Variants in MCC observed in about 807,000 individuals in gnomAD.
MCC encodes MCC regulator of Wnt signaling pathway, also known as colorectal mutant cancer protein.
Under a neutral mutation model 116.2 loss-of-function variants are expected in MCC, and 90 were observed. The observed-to-expected ratio is 0.77, with a 90% CI of 0.65 to 0.92. The LOEUF (loss-of-function observed/expected upper bound fraction) is 0.92. Ranked by LOEUF, MCC falls within the 40% of genes least tolerant of loss-of-function variation. The pLI, the probability that MCC is intolerant of heterozygous loss-of-function variation, is 0.00. For missense variants in MCC, 1,516 were observed against 1,312.2 expected, an observed-to-expected ratio of 1.16 and a Z score of -2.40; for synonymous variants, 578 against 510.5, an observed-to-expected ratio of 1.13 and a Z score of -1.78.
At chr5:113,486,502 C>T (rs916832374) in intron 1 of MCC, among the ~76,000 whole-genome samples, 1 of 152,176 alleles carries the variant, frequency 6.6e-6, no homozygotes, top group African/African-American at 2.4e-5. Context: ...AAAAGGATAG[C>T]ACGCTGCTAG....
intron 3 of MCC, among the ~76,000 whole-genome samples, chr5:113,327,578 A>ATATG (rs1455561366): frequency 1.5e-5 from 2 of 136,064 alleles, no homozygotes; most frequent in Non-Finnish European, 3.1e-5. Context: ...ATATATATAT[A>ATATG]TATATATAAA....
At chr5:113,149,887 G>A (rs1174763735) in intron 4 of MCC, among the ~76,000 whole-genome samples, 2 of 152,152 alleles carry the variant, frequency 1.3e-5, no homozygotes, top group Admixed American at 1.3e-4. Flanking sequence ...TGATGTATCT[G>A]AGAACTGGAA....
chr5:113,373,220 G>A (rs1768885004), intron 2 of MCC, among the ~76,000 whole-genome samples: 1 of 151,886 alleles, frequency 6.6e-6, no homozygotes. Flanking sequence ...GTTTCTAAGA[G>A]TGCAACTTGG....
chr5:113,029,599 A>G (rs1750819205), intron 17 of MCC, among the ~76,000 whole-genome samples: 1 of 152,158 alleles, frequency 6.6e-6, no homozygotes, highest in South Asian at 2.1e-4. Context: ...CCATGAAATT[A>G]CATTTGCACT....
At chr5:113,231,393 T>G (rs1763936611) in intron 3 of MCC, among the ~76,000 whole-genome samples, 1 of 152,202 alleles carries the variant, frequency 6.6e-6, no homozygotes, top group South Asian at 2.1e-4. Flanking sequence ...ACACAAATCC[T>G]TACAAAGTGG....
At position 113,104,068 on chromosome 5, in the gene MCC, G is replaced by C. The variant is rs1420310132; in HGVS notation, c.1191+124C>G. On this transcript the variant is annotated intron_variant, in intron 7 of 18. Coordinates refer to ENST00000408903, the MANE Select transcript of MCC (RefSeq NM_001085377.2). Reference sequence around the variant, plus strand: ...CTTCTACACCGTGGCTCAATCTATTGTATGGCTCTCATGGAAACATTCATC... The same window carrying C: ...CTTCTACACCGTGGCTCAATCTATTCTATGGCTCTCATGGAAACATTCATC... 40 of 1,029,918 alleles carry C rather than the reference G, an allele frequency of 3.9e-5. No homozygotes were observed. The South Asian group carries it at 7.2e-4, about 19-fold the overall frequency. 63.8% of individuals were successfully genotyped at this position (1,029,918 alleles called of 1,614,324 possible).
At chr5:113,231,096 T>C (rs1763924689) in intron 3 of MCC, among the ~76,000 whole-genome samples, 1 of 152,118 alleles carries the variant, frequency 6.6e-6, no homozygotes, top group African/African-American at 2.4e-5. Context: ...AAACGTTTCC[T>C]AAGGGGGAAA....
intron 6 of MCC, among the ~76,000 whole-genome samples, chr5:113,118,442 T>C (rs1489279543): frequency 6.6e-6 from 1 of 152,198 alleles, no homozygotes; most frequent in Non-Finnish European, 1.5e-5. Context: ...ACTTTTTAAT[T>C]GGATCGTTTA....
intron 3 of MCC, among the ~76,000 whole-genome samples, chr5:113,171,339 A>T (rs781703384): frequency 2.0e-5 from 3 of 151,096 alleles, no homozygotes; most frequent in Non-Finnish European, 4.4e-5. Context: ...CACAGAGACA[A>T]GCAGAAGGCG....
intron 2 of MCC, among the ~76,000 whole-genome samples, chr5:113,382,359 C>T (rs1001423072): frequency 5.3e-5 from 8 of 150,438 alleles, no homozygotes; most frequent in South Asian, 4.2e-4. Flanking sequence ...CAACCTCTAA[C>T]TCTTGGGCTC....
intron 3 of MCC, among the ~76,000 whole-genome samples, chr5:113,227,405 C>G (rs866234144): frequency 6.6e-6 from 1 of 152,198 alleles, no homozygotes; most frequent in African/African-American, 2.4e-5. Context: ...AACTCAAACA[C>G]CCATTTTCCA....
At chr5:113,387,158 C>T (rs13188946) in intron 1 of MCC, among the ~76,000 whole-genome samples, 66,813 of 151,786 alleles carry the variant, frequency 0.44, 16,171 homozygotes, top group African/African-American at 0.64. Flanking sequence ...GGTCTCAAAA[C>T]AAGCCACCCC....
At chr5:113,302,417 AC>A (rs1766885483) in intron 3 of MCC, among the ~76,000 whole-genome samples, 1 of 152,228 alleles carries the variant, frequency 6.6e-6, no homozygotes, top group Non-Finnish European at 1.5e-5. Context: ...CAATATGTGG[AC>A]TTTGTTGAGA....
At chr5:113,098,822 G>T (rs3890740) in intron 8 of MCC, among the ~76,000 whole-genome samples, 22,218 of 152,112 alleles carry the variant, frequency 0.15, 1,863 homozygotes, top group South Asian at 0.22. Flanking sequence ...AAAGAAAGTG[G>T]CCCCAATTGC....
chr5:113,432,320 C>CAAAAAAA (rs66577040), intron 1 of MCC, among the ~76,000 whole-genome samples: 12 of 68,586 alleles, frequency 1.7e-4, no homozygotes, highest in South Asian at 7.1e-4. Context: ...GACTCTGTCT[C>CAAAAAAA]AAAAAAAAAA....
chr5:113,356,830 C>G (rs1768426606), intron 2 of MCC, among the ~76,000 whole-genome samples: 1 of 152,194 alleles, frequency 6.6e-6, no homozygotes, highest in Non-Finnish European at 1.5e-5. Flanking sequence ...ATTCTGACAG[C>G]TAACAGCTAT....
chr5:113,027,161 G>T lies in MCC; in HGVS notation c.*141C>A. 2 of 786,794 alleles carry T rather than the reference G, an allele frequency of 2.5e-6. No individual in the cohort carries two copies. The highest frequency in any genetic ancestry group is 4.0e-6 in the Non-Finnish European group (2 of 501,588). 48.7% of individuals were successfully genotyped at this position (786,794 alleles called of 1,614,324 possible). On this transcript the variant is annotated 3_prime_UTR_variant, in exon 19 of 19. Transcript: ENST00000408903. Reference sequence around the variant, plus strand: ...GCCAGTCGCCCCAAGGGTTGAGTTGGGGCACTCCATTGTCCAAGTGCCGAC... The same window carrying T: ...GCCAGTCGCCCCAAGGGTTGAGTTGTGGCACTCCATTGTCCAAGTGCCGAC...
In MCC at chr5:113,132,443, T is replaced by TACAC. The variant is rs140363649; in HGVS notation, c.885-9621_885-9618dup. On this transcript the variant is annotated intron_variant, in intron 5 of 18. Transcript: ENST00000408903. The stretch of plus-strand genomic sequence containing the variant: ...ACACACATACATATATATATATATA[T>TACAC]ACACACACACACACACACACACACA... 2.1e-3 allele frequency among the ~76,000 whole-genome samples: 77 copies of TACAC among 36,612 alleles called. 3 individuals are homozygous for TACAC. Among genetic ancestry groups the TACAC allele is most frequent in the African/African-American group, 3.4e-3 (71 of 21,104 alleles). 24.0% of individuals were successfully genotyped at this position (36,612 alleles called of 152,430 possible).
chr5:113,098,696 G>A (rs1282480907), intron 8 of MCC, among the ~76,000 whole-genome samples: 1 of 152,140 alleles, frequency 6.6e-6, no homozygotes, highest in Non-Finnish European at 1.5e-5. Flanking sequence ...CTTGAACAAA[G>A]CTCAGAAGAC....
Sources: allele counts gnomAD v4.1 joint callset (sites outside exome capture counted in the v4.1 genomes callset), GRCh38; gene constraint gnomAD v4.1.1; transcripts MANE v1.5; gene names NCBI Gene and HGNC (gene_info 2026-07-23, HGNC 2026-07-21).